The following WFS1 variants were observed in gnomAD, a reference collection of about 807,000 sequenced individuals.
The protein encoded by WFS1 is wolframin.
Under a neutral mutation model 68.5 loss-of-function variants are expected in WFS1, and 90 were observed. That is an observed-to-expected ratio of 1.31 (90% CI 1.11 to 1.56). The LOEUF (loss-of-function observed/expected upper bound fraction) is 1.56. WFS1 is among the 40% of genes most tolerant of loss of function. WFS1 has a pLI of 0.00. For missense variants in WFS1, 1,767 were observed against 1,232.6 expected (o/e 1.43, Z -6.49); for synonymous variants, 860 against 540.7 (o/e 1.59, Z -8.19).
chr4:6,283,387 A>C lies in WFS1; in HGVS notation c.233-3706A>C, dbSNP rs967075870. Among the ~76,000 whole-genome samples, 1 of 152,226 alleles carries C rather than the reference A, an allele frequency of 6.6e-6. No individual in the cohort carries two copies. Among genetic ancestry groups the C allele is most frequent in the African/African-American group, 2.4e-5 (1 of 41,452 alleles). The stretch of plus-strand genomic sequence containing the variant: ...CAAAATCTCAATATAAATTGACACA[A>C]GCCAAAAAAGTAGAGGGGCAAGGGA... On this transcript the variant is annotated intron_variant, in intron 2 of 7. Transcript: ENST00000226760. This position sits in a 1 kb window ranked among gnomAD's most constrained non-coding sequence, Gnocchi z 5.0.
rs748298470 is a variant in WFS1, at chr4:6,292,035, C to A, written c.712+38C>A. 11 of 1,563,470 alleles carry A rather than the reference C, an allele frequency of 7.0e-6. No homozygotes were observed. In the Admixed American group the frequency reaches 2.1e-4, roughly 29 times the overall value. ...CCTGCCCCGTCTCACCCATGCCTCCCAGCCTGCACCTGCAGGGCGACCTCT... is the reference window on the plus strand; with the variant it reads ...CCTGCCCCGTCTCACCCATGCCTCCAAGCCTGCACCTGCAGGGCGACCTCT... On this transcript the variant is annotated intron_variant, in intron 6 of 7. Transcript: ENST00000226760.
chr4:6,275,798 C>A (rs961872809), intron 1 of WFS1, among the ~76,000 whole-genome samples: 1 of 152,206 alleles, frequency 6.6e-6, no homozygotes, highest in Non-Finnish European at 1.5e-5. Flanking sequence ...CCACTCCTGA[C>A]TCTTCCAGTC....
chr4:6,300,240 T>G (rs1730829368), intron 7 of WFS1, among the ~76,000 whole-genome samples: 1 of 152,138 alleles, frequency 6.6e-6, no homozygotes. Flanking sequence ...CTTGCTGTAG[T>G]GCAGAGCTGG....
chr4:6,295,832 C>T (rs1460763959), intron 7 of WFS1, among the ~76,000 whole-genome samples: 1 of 152,200 alleles, frequency 6.6e-6, no homozygotes, highest in Non-Finnish European at 1.5e-5. Flanking sequence ...TTTTCTTGGC[C>T]ATGTGGCCCT....
chr4:6,300,551 G>T (rs1470167861), intron 7 of WFS1, 106 bp from the exon 8 acceptor site: 60 of 1,533,676 alleles, frequency 3.9e-5, no homozygotes, highest in South Asian at 4.7e-5. Context: ...AAACGCAAGG[G>T]TGCGGGTTCC....
intron 1 of WFS1, among the ~76,000 whole-genome samples, chr4:6,272,832 C>T (rs1250632212): frequency 1.3e-5 from 2 of 152,202 alleles, no homozygotes; most frequent in Non-Finnish European, 2.9e-5. Flanking sequence ...TAAATCCTGC[C>T]TTAACAGTGT....
intron 1 of WFS1, among the ~76,000 whole-genome samples, chr4:6,270,366 A>G (rs1286038545): frequency 6.9e-6 from 1 of 145,710 alleles, no homozygotes; most frequent in Non-Finnish European, 1.5e-5. Context: ...ATCCCCCCCG[A>G]GTTGCCCCGT....
chr4:6,302,693 A>C lies in WFS1; in HGVS notation c.*225A>C. 1 of 655,780 alleles carries C rather than the reference A, an allele frequency of 1.5e-6. No individual in the cohort carries two copies. The highest frequency in any genetic ancestry group is 2.6e-6 in the Non-Finnish European group (1 of 387,982). 40.6% of individuals were successfully genotyped at this position (655,780 alleles called of 1,614,324 possible). A position where few individuals can be genotyped will look rare whatever the true frequency, so the allele number is the denominator to read the frequency against. On this transcript the variant is annotated 3_prime_UTR_variant, in exon 8 of 8. Transcript: ENST00000226760. ...CCAAGTGTGTTGGGAATTGCATGCCATCTCCACCCTGAGCCTGACCTTTCT... is the reference window on the plus strand; with the variant it reads ...CCAAGTGTGTTGGGAATTGCATGCCCTCTCCACCCTGAGCCTGACCTTTCT...
chr4:6,291,957 G>A lies in WFS1; in HGVS notation c.672G>A (p.Gln224=), dbSNP rs1224486316. 6 of 1,611,308 alleles carry A rather than the reference G, an allele frequency of 3.7e-6. No individual in the cohort carries two copies. In the East Asian group the frequency reaches 6.7e-5, roughly 18 times the overall value. ...AQPGPVPKSL[Q]KQRRMLERLV... is the part of the protein sequence containing the mutation. Reference sequence around the variant, plus strand: ...CAGGCCCCGTGCCCAAGTCCCTGCAGAAGCAGAGGCGCATGCTGGAGCGCC... The same window carrying A: ...CAGGCCCCGTGCCCAAGTCCCTGCAAAAGCAGAGGCGCATGCTGGAGCGCC... The change falls in exon 6 of 8, where the codon CAG becomes CAA. Residue 224 remains glutamine (Q), a synonymous_variant. Transcript: ENST00000226760.
intron 1 of WFS1, 146 bp from the exon 2 acceptor site, chr4:6,277,305 G>T (rs2109107697): frequency 1.3e-6 from 1 of 784,860 alleles, no homozygotes; most frequent in East Asian, 2.7e-5. Context: ...GGCCCATGGG[G>T]ACTGTACTGA....
intron 7 of WFS1, among the ~76,000 whole-genome samples, chr4:6,295,681 G>A (rs930243978): frequency 9.2e-5 from 14 of 152,368 alleles, no homozygotes; most frequent in African/African-American, 2.9e-4. Flanking sequence ...AGGCCAGTGT[G>A]GGAGCGTGGT....
At chr4:6,274,230 A>G (rs376381899) in intron 1 of WFS1, among the ~76,000 whole-genome samples, 23 of 151,750 alleles carry the variant, frequency 1.5e-4, no homozygotes, top group South Asian at 4.2e-4. Context: ...TGTATTTTTA[A>G]TAGAGACGGG....
intron 1 of WFS1, among the ~76,000 whole-genome samples, chr4:6,272,387 T>A (rs1729867613): frequency 6.6e-6 from 1 of 152,226 alleles, no homozygotes; most frequent in African/African-American, 2.4e-5. Context: ...CAAACCCCTC[T>A]GTTCCTGTGA....
rs542034610 is a variant in WFS1, at chr4:6,302,551, C to T, written c.*83C>T. 6 of 1,581,152 alleles carry T rather than the reference C, an allele frequency of 3.8e-6. No individual in the cohort carries two copies. The highest frequency in any genetic ancestry group is 2.2e-5 in the East Asian group (1 of 44,472). ...TGGCCCCAGCCCGACAGGCATGCAC[C>T]AGTGCCGCCTGTGCCCACGTGTGCA... On this transcript the variant is annotated 3_prime_UTR_variant, in exon 8 of 8. Transcript: ENST00000226760.
At chr4:6,286,630 G>A (rs1243191496) in intron 2 of WFS1, among the ~76,000 whole-genome samples, 4 of 152,216 alleles carry the variant, frequency 2.6e-5, no homozygotes, top group Non-Finnish European at 5.9e-5. Flanking sequence ...TGTGGTTTTT[G>A]TTGGTACAAT....
In WFS1 at chr4:6,302,171, C is replaced by G. The variant is rs1560421688; in HGVS notation, c.2376C>G (p.Ser792Arg). 6.2e-7 allele frequency: 1 copy of G among 1,612,712 alleles called. No homozygotes were observed. Among genetic ancestry groups the G allele is most frequent in the Non-Finnish European group, 8.5e-7 (1 of 1,179,966 alleles). Reference protein sequence around the residue: ...PFSSGADGSRSREEDDVTKDI... With the variant: ...PFSSGADGSRRREEDDVTKDI... ...GCAGCGGCGCTGACGGCTCGCGCAG[C>G]CGCGAGGAGGACGACGTCACCAAGG... Residue 792 changes from serine to arginine, a missense_variant, in exon 8 of 8, where the codon AGC becomes AGG. Ser to Arg is a moderately radical substitution (Grantham distance 110). Transcript: ENST00000226760.
rs942839955 is a variant in WFS1 at position 6,302,969 on chromosome 4, T to C, written c.*501T>C. The C allele has an allele frequency of 1.1e-5, 2 of 175,836 alleles. No homozygotes were observed. The highest frequency in any genetic ancestry group is 2.4e-5 in the African/African-American group (1 of 41,888). The allele number at this position is 175,836 out of a possible 1,614,324, so 10.9% of individuals were successfully genotyped here. A position where few individuals can be genotyped will look rare whatever the true frequency, so the allele number is the denominator to read the frequency against. On this transcript the variant is annotated 3_prime_UTR_variant, in exon 8 of 8. Coordinates refer to ENST00000226760, the MANE Select transcript of WFS1 (RefSeq NM_006005.3). ...GGGGATGTGCACGGCAGCTTGAGCC[T>C]GTCACGTGGTCAAGGCCCGGCCCCA...
chr4:6,275,087 G>A (rs1250405743), intron 1 of WFS1, among the ~76,000 whole-genome samples: 4 of 152,188 alleles, frequency 2.6e-5, no homozygotes, highest in Non-Finnish European at 4.4e-5. Flanking sequence ...ACGACAATAG[G>A]ACCTACCTTC....
At chr4:6,294,631 G>A (rs1357222379) in intron 6 of WFS1, 17 of 320,874 alleles carry the variant, frequency 5.3e-5, no homozygotes, top group Admixed American at 3.7e-4. Flanking sequence ...CCTACAGGGC[G>A]GCTTGTCACC....
Sources: allele counts gnomAD v4.1 joint callset (sites outside exome capture counted in the v4.1 genomes callset), GRCh38; gene constraint gnomAD v4.1.1; non-coding constraint Gnocchi (gnomAD v3.1); transcripts MANE v1.5; gene names NCBI Gene and HGNC (gene_info 2026-07-23, HGNC 2026-07-21).